The following SOX5 variants were observed in gnomAD, a reference collection of about 807,000 sequenced individuals.
The protein encoded by SOX5 is SRY-box transcription factor 5, also known as transcription factor SOX-5.
Under a neutral mutation model 92.0 loss-of-function variants are expected in SOX5, and 9 were observed. The ratio of observed to expected loss-of-function variants is 0.10; its 90% CI spans 0.06 to 0.17. The LOEUF is 0.17. Ranked by LOEUF, SOX5 falls within the 10% of genes least tolerant of loss-of-function variation. The pLI, the probability that SOX5 is intolerant of heterozygous loss-of-function variation, is 1.00. For synonymous variants in SOX5, 344 were observed against 336.3 expected (o/e 1.02, Z -0.25); for missense variants, 642 against 944.5 (o/e 0.68, Z 4.20).
At chr12:24,485,943 CTGTTGT>C (rs376040670) in intron 1 of SOX5, among the ~76,000 whole-genome samples, 3 of 151,886 alleles carry the variant, frequency 2.0e-5, no homozygotes, top group Admixed American at 6.6e-5. Flanking sequence ...ATATACCTTT[CTGTTGT>C]TGTTGTTGTT....
chr12:23,823,822 C>T (rs1445859789), intron 3 of SOX5, among the ~76,000 whole-genome samples: 1 of 152,170 alleles, frequency 6.6e-6, no homozygotes. Context: ...CCATTTCATT[C>T]TTTTTTCTCT....
chr12:23,963,017 A>C (rs1947130953), intron 4 of SOX5, among the ~76,000 whole-genome samples: 1 of 152,206 alleles, frequency 6.6e-6, no homozygotes, highest in African/African-American at 2.4e-5. Context: ...TCCCCTTATC[A>C]TTCTGATATT....
At chr12:23,682,002 A>C (rs2086699565) in intron 6 of SOX5, among the ~76,000 whole-genome samples, 1 of 151,808 alleles carries the variant, frequency 6.6e-6, no homozygotes, top group South Asian at 2.1e-4. Context: ...ATTTTAGCAC[A>C]ACTTTCTTAA....
At chr12:23,551,781 C>T (rs568345916) in intron 11 of SOX5, among the ~76,000 whole-genome samples, 107 of 147,702 alleles carry the variant, frequency 7.2e-4, no homozygotes, top group African/African-American at 2.5e-3. Flanking sequence ...TTATCTAATA[C>T]TGATTTTTTT....
chr12:24,117,397 A>T (rs1298204636), intron 4 of SOX5, among the ~76,000 whole-genome samples: 3 of 152,182 alleles, frequency 2.0e-5, no homozygotes, highest in Non-Finnish European at 4.4e-5. Flanking sequence ...GGAGAACAGT[A>T]TGGAGGTTCC....
chr12:24,528,286 A>G (rs993510181), intron 1 of SOX5, among the ~76,000 whole-genome samples: 1 of 152,166 alleles, frequency 6.6e-6, no homozygotes, highest in African/African-American at 2.4e-5. Flanking sequence ...CCTTTTATGG[A>G]AAATATAAAC....
intron 1 of SOX5, among the ~76,000 whole-genome samples, chr12:23,928,726 C>T (rs991119175): frequency 2.6e-5 from 4 of 151,702 alleles, no homozygotes; most frequent in African/African-American, 9.7e-5. Flanking sequence ...CTTTCAAATT[C>T]CTGACTTTTA....
intron 4 of SOX5, among the ~76,000 whole-genome samples, chr12:24,078,824 GTA>G (rs1334185319): frequency 2.0e-5 from 3 of 152,006 alleles, no homozygotes; most frequent in African/African-American, 7.2e-5. Context: ...TCTAGAATAT[GTA>G]TCTTTACAGA....
At chr12:24,038,232 T>C (rs1956224728) in intron 4 of SOX5, among the ~76,000 whole-genome samples, 1 of 152,196 alleles carries the variant, frequency 6.6e-6, no homozygotes, top group African/African-American at 2.4e-5. Context: ...GTAAAACGTG[T>C]ATCTTGGGTT....
intron 9 of SOX5, among the ~76,000 whole-genome samples, chr12:23,589,657 A>T (rs1253521576): frequency 2.0e-5 from 3 of 151,940 alleles, no homozygotes; most frequent in African/African-American, 7.2e-5. Flanking sequence ...ATATTTCCTA[A>T]ATTCAGTATA....
intron 1 of SOX5, among the ~76,000 whole-genome samples, chr12:24,409,894 T>A (rs113990800): frequency 0.021 from 3,144 of 152,332 alleles, 46 homozygotes; most frequent in Middle Eastern, 0.065. Context: ...TTGACACTAG[T>A]ACTTTGTCAG....
chr12:24,118,976 G>A (rs923962443), intron 4 of SOX5, among the ~76,000 whole-genome samples: 1 of 152,056 alleles, frequency 6.6e-6, no homozygotes, highest in African/African-American at 2.4e-5. Context: ...ATGTATTAAT[G>A]ATATATCTTT....
chr12:24,167,278 C>G (rs1408164167), intron 4 of SOX5, among the ~76,000 whole-genome samples: 1 of 152,134 alleles, frequency 6.6e-6, no homozygotes, highest in Non-Finnish European at 1.5e-5. Flanking sequence ...TCCTGCAGTA[C>G]TGAAATTTAT....
At chr12:23,882,905 G>A (rs528386507) in intron 2 of SOX5, among the ~76,000 whole-genome samples, 13 of 152,240 alleles carry the variant, frequency 8.5e-5, no homozygotes, top group South Asian at 2.1e-4. Flanking sequence ...TGATAGGGCG[G>A]GCGTGGTGGC....
chr12:23,787,095 G>A (rs890466100), intron 3 of SOX5, among the ~76,000 whole-genome samples: 21 of 122,280 alleles, frequency 1.7e-4, no homozygotes, highest in African/African-American at 4.4e-4. Context: ...TTTGATCTTA[G>A]ATGGAGGAAG....
chr12:24,412,912 C>T (rs976593021), intron 1 of SOX5, among the ~76,000 whole-genome samples: 3 of 151,860 alleles, frequency 2.0e-5, no homozygotes, highest in Admixed American at 6.6e-5. Flanking sequence ...CCCACCACCA[C>T]GCCCGGCTAA....
At chr12:24,006,613 T>C (rs1447350840) in intron 4 of SOX5, among the ~76,000 whole-genome samples, 3 of 152,148 alleles carry the variant, frequency 2.0e-5, no homozygotes, top group Non-Finnish European at 4.4e-5. Flanking sequence ...CATCCACTCC[T>C]TCCAGGATTG....
chr12:24,061,338 A>C lies in SOX5; in HGVS notation c.-2+152005T>G, dbSNP rs372307495. Among the ~76,000 whole-genome samples the C allele has an allele frequency of 4.7e-4, 72 of 152,276 alleles. 1 individual carries two copies. The South Asian group carries it at 0.014, about 30-fold the overall frequency. On this transcript the variant is annotated intron_variant, in intron 4 of 4. Coordinates refer to the SOX5 transcript ENST00000446891. ...CCCTTTCTTCCAAGCTAATCTTAGC[A>C]GTCCCAATTAGCTTCTCTGGGCCTT...
intron 4 of SOX5, among the ~76,000 whole-genome samples, chr12:24,054,455 G>A (rs1048211393): frequency 1.3e-5 from 2 of 152,146 alleles, no homozygotes; most frequent in Non-Finnish European, 2.9e-5. Flanking sequence ...CATGGGCATG[G>A]CTTTCTTCTT....
Sources: allele counts gnomAD v4.1 joint callset (sites outside exome capture counted in the v4.1 genomes callset), GRCh38; gene constraint gnomAD v4.1.1; transcripts MANE v1.5; gene names NCBI Gene and HGNC (gene_info 2026-07-23, HGNC 2026-07-21).